Variants in PXDNL observed in about 807,000 individuals in gnomAD.
The protein encoded by PXDNL is probable oxidoreductase PXDNL.
PXDNL carries 145 observed loss-of-function variants against 150.8 expected under a neutral mutation model. That is an observed-to-expected ratio of 0.96 (90% CI 0.84 to 1.10). The LOEUF (loss-of-function observed/expected upper bound fraction) is 1.10, where lower values mean the gene tolerates loss of function less well. Ranked by LOEUF, PXDNL falls within the 50% of genes least tolerant of loss-of-function variation. The pLI, the probability that PXDNL is intolerant of heterozygous loss-of-function variation, is 0.00. For synonymous variants in PXDNL, 757 were observed against 725.7 expected (o/e 1.04, Z -0.69); for missense variants, 2,087 against 1,873.9 (o/e 1.11, Z -2.10).
intron 17 of PXDNL, among the ~76,000 whole-genome samples, chr8:51,389,325 T>G (rs1296248073): frequency 6.6e-6 from 1 of 152,198 alleles, no homozygotes; most frequent in Non-Finnish European, 1.5e-5. Context: ...CAGATTCTTT[T>G]CCTGTGTAAC....
intron 17 of PXDNL, among the ~76,000 whole-genome samples, chr8:51,386,678 A>G (rs1807724312): frequency 6.6e-6 from 1 of 152,024 alleles, no homozygotes; most frequent in African/African-American, 2.4e-5. Flanking sequence ...TTAGCCAAGC[A>G]TGGTGGCACG....
intron 14 of PXDNL, among the ~76,000 whole-genome samples, chr8:51,419,985 A>G (rs955811022): frequency 6.6e-6 from 1 of 152,228 alleles, no homozygotes; most frequent in Non-Finnish European, 1.5e-5. Context: ...TTCTGAAAAA[A>G]TTACAACTGT....
intron 21 of PXDNL, among the ~76,000 whole-genome samples, chr8:51,334,787 C>T (rs910279686): frequency 4.6e-5 from 7 of 152,176 alleles, no homozygotes; most frequent in African/African-American, 1.7e-4. Flanking sequence ...TCCTCATATA[C>T]TTAGATTCCA....
At chr8:51,489,929 A>G (rs1163711420) in intron 5 of PXDNL, among the ~76,000 whole-genome samples, 1 of 152,204 alleles carries the variant, frequency 6.6e-6, no homozygotes. Flanking sequence ...GAAACCATGG[A>G]CTTCACTCAA....
chr8:51,319,628 A>T lies in PXDNL; in HGVS notation c.*263T>A. ...TTTTTATTTCCAGGTGTGGCATATA[A>T]AACTGACAGCTTACAGTAAGAAATA... On this transcript the variant is annotated 3_prime_UTR_variant, in exon 23 of 23. Transcript: ENST00000356297. 4.3e-6 allele frequency: 1 copy of T among 231,160 alleles called. No homozygotes were observed. Among genetic ancestry groups the T allele is most frequent in the Non-Finnish European group, 8.3e-6 (1 of 120,330 alleles). 14.3% of individuals were successfully genotyped at this position (231,160 alleles called of 1,614,324 possible).
intron 4 of PXDNL, among the ~76,000 whole-genome samples, chr8:51,534,081 C>T (rs371752611): frequency 7.4e-6 from 1 of 134,468 alleles, no homozygotes; most frequent in African/African-American, 3.3e-5. Flanking sequence ...GGAAGTGAGG[C>T]GTGTCTCTGC....
At position 51,411,382 on chromosome 8, in the gene PXDNL, G is replaced by C; in HGVS notation, c.1930C>G (p.Leu644Val). 6.4e-7 allele frequency: 1 copy of C among 1,573,518 alleles called. No individual in the cohort carries two copies. Among genetic ancestry groups the C allele is most frequent in the African/African-American group, 1.4e-5 (1 of 72,530 alleles). Reference sequence around the variant, plus strand: ...TCACGCGGGTAATGAAATTGAGCCAGCAGGTCACTGGAGGTGTGAGGTTTT... The same window carrying C: ...TCACGCGGGTAATGAAATTGAGCCACCAGGTCACTGGAGGTGTGAGGTTTT... ...SQKPHTSSDL[L>V]AQFHYPRDPL... The change falls in exon 16 of 23, where the codon CTG (leucine) becomes GTG (valine). Residue 644 changes from leucine (L) to valine (V), a missense_variant. By Grantham distance (32) the Leu-to-Val change is conservative. Coordinates refer to ENST00000356297, the MANE Select transcript of PXDNL (RefSeq NM_144651.5).
rs545508259 is a variant in PXDNL, at chr8:51,672,129, A to G, written c.165-17369T>C. 2.4e-4 allele frequency among the ~76,000 whole-genome samples: 37 copies of G among 152,012 alleles called. 1 individual carries two copies. Among genetic ancestry groups the G allele is most frequent in the Admixed American group, 2.1e-3 (32 of 15,254 alleles). ...CCCAAGTAGCTGGGATTACAGGTGC[A>G]CACCACCACACTCAGCTAATTTTTG... On this transcript the variant is annotated intron_variant, in intron 1 of 22. Transcript: ENST00000356297.
intron 4 of PXDNL, among the ~76,000 whole-genome samples, chr8:51,540,117 C>T (rs998380236): frequency 6.6e-6 from 1 of 152,010 alleles, no homozygotes; most frequent in Non-Finnish European, 1.5e-5. Flanking sequence ...AGGCTGGTCT[C>T]GAACTCCTGG....
At chr8:51,786,309 A>G (rs1256755581) in intron 1 of PXDNL, among the ~76,000 whole-genome samples, 1 of 151,930 alleles carries the variant, frequency 6.6e-6, no homozygotes, top group East Asian at 1.9e-4. Flanking sequence ...CCTGAGCTCC[A>G]GCGATTCTCC....
At chr8:51,535,767 G>A (rs1487285409) in intron 4 of PXDNL, among the ~76,000 whole-genome samples, 1 of 152,036 alleles carries the variant, frequency 6.6e-6, no homozygotes, top group African/African-American at 2.4e-5. Flanking sequence ...GAACTGGTAT[G>A]GACTTCTCTT....
At chr8:51,558,832 T>C (rs956155252) in intron 3 of PXDNL, among the ~76,000 whole-genome samples, 2 of 152,110 alleles carry the variant, frequency 1.3e-5, no homozygotes, top group African/African-American at 4.8e-5. Flanking sequence ...CAGGTTTGTA[T>C]GCTCGCTGAA....
chr8:51,403,826 G>A (rs192830000), intron 17 of PXDNL, among the ~76,000 whole-genome samples: 15 of 152,336 alleles, frequency 9.8e-5, no homozygotes, highest in Non-Finnish European at 1.9e-4. Context: ...TTCGGAATTG[G>A]TGAGGTCTCG....
At chr8:51,612,736 C>T (rs1014296361) in intron 2 of PXDNL, among the ~76,000 whole-genome samples, 1 of 152,210 alleles carries the variant, frequency 6.6e-6, no homozygotes, top group Non-Finnish European at 1.5e-5. Flanking sequence ...AGAGCCCTCG[C>T]CAGCCCCTGG....
chr8:51,421,573 C>T (rs576549217), intron 14 of PXDNL, among the ~76,000 whole-genome samples: 1 of 152,084 alleles, frequency 6.6e-6, no homozygotes, highest in African/African-American at 2.4e-5. Context: ...GTGATAGGCA[C>T]CTGTAACCCC....
intron 12 of PXDNL, among the ~76,000 whole-genome samples, chr8:51,434,277 T>C (rs1809334864): frequency 6.6e-6 from 1 of 152,212 alleles, no homozygotes; most frequent in East Asian, 1.9e-4. Flanking sequence ...TCTAAGTGAT[T>C]TGCCTTTTTT....
intron 2 of PXDNL, among the ~76,000 whole-genome samples, chr8:51,611,059 G>C (rs1813987768): frequency 6.6e-6 from 1 of 152,150 alleles, no homozygotes; most frequent in South Asian, 2.1e-4. Flanking sequence ...TTCCAGGGCA[G>C]GGTCATTGTA....
intron 17 of PXDNL, among the ~76,000 whole-genome samples, chr8:51,401,597 A>G (rs537287874): frequency 6.6e-6 from 1 of 152,300 alleles, no homozygotes; most frequent in South Asian, 2.1e-4. Context: ...CTTTTTGGCC[A>G]AGAGAGCAGC....
chr8:51,696,819 AC>A (rs1816151036), intron 1 of PXDNL, among the ~76,000 whole-genome samples: 1 of 230 alleles, frequency 4.3e-3, no homozygotes, highest in Non-Finnish European at 7.7e-3. Flanking sequence ...ACACACACAC[AC>A]ACACACACAC....
Sources: gnomAD v4.1 joint callset for allele counts (sites outside exome capture counted in the v4.1 genomes callset) on GRCh38, gnomAD v4.1.1 for gene constraint, MANE v1.5 for transcripts, NCBI Gene and HGNC (gene_info 2026-07-23, HGNC 2026-07-21) for gene names.